Variants in IL1RAPL2 observed in about 807,000 individuals in gnomAD.
IL1RAPL2 encodes X-linked interleukin-1 receptor accessory protein-like 2.
A neutral mutation model predicts 44.1 loss-of-function variants in IL1RAPL2; 3 were observed. That is an observed-to-expected ratio of 0.07 (90% confidence interval 0.03 to 0.18). IL1RAPL2 has a LOEUF of 0.18. Ranked by LOEUF, IL1RAPL2 falls within the 10% of genes least tolerant of loss-of-function variation. The pLI is 1.00. For synonymous variants in IL1RAPL2, 181 were observed against 178.8 expected (o/e 1.01, Z -0.10); for missense variants, 391 against 496.4 (o/e 0.79, Z 2.02).
intron 2 of IL1RAPL2, among the ~76,000 whole-genome samples, chrX:104,759,115 C>T (rs747220494): frequency 1.3e-4 from 15 of 112,479 alleles, no homozygotes; most frequent in East Asian, 2.8e-4. Context: ...ACGGCCCACA[C>T]TTATATATGA....
intron 6 of IL1RAPL2, among the ~76,000 whole-genome samples, chrX:105,579,598 G>C (rs1391073834): frequency 9.0e-6 from 1 of 110,961 alleles, no homozygotes; most frequent in Non-Finnish European, 1.9e-5. Context: ...TTATGAGACA[G>C]ATACTAAGCT....
Position 104,931,947 on chromosome X carries a change from AGTGTGTGT to A in IL1RAPL2, c.83-263507_83-263500del, listed in dbSNP as rs34524314. Among the ~76,000 whole-genome samples, 146 of 88,993 alleles carry A rather than the reference AGTGTGTGT, an allele frequency of 1.6e-3. 1 individual carries two copies. The highest frequency in any genetic ancestry group is 5.7e-3 in the Middle Eastern group (1 of 176). The allele number at this position is 88,993 out of a possible 115,157, so 77.3% of individuals were successfully genotyped here. On this transcript the variant is annotated intron_variant, in intron 2 of 10. Transcript: ENST00000372582. ...ACTCACAGATATGTGGGAAACTATG[AGTGTGTGT>A]GTGTGTGTGTGTGTGTGTGTTTGTA...
At chrX:105,426,985 A>T (rs188769963) in intron 5 of IL1RAPL2, among the ~76,000 whole-genome samples, 11 of 112,565 alleles carry the variant, frequency 9.8e-5, no homozygotes, top group Admixed American at 9.4e-4. Flanking sequence ...TTTTGTTTTC[A>T]TTTCTTATGC....
chrX:105,515,997 G>A (rs2036510616), intron 6 of IL1RAPL2, among the ~76,000 whole-genome samples: 1 of 111,921 alleles, frequency 8.9e-6, no homozygotes, highest in Non-Finnish European at 1.9e-5. Context: ...TGAAGAAGTT[G>A]TATGGCTGTC....
At chrX:105,286,577 C>G (rs2034573351) in intron 5 of IL1RAPL2, among the ~76,000 whole-genome samples, 1 of 103,963 alleles carries the variant, frequency 9.6e-6, no homozygotes, top group Non-Finnish European at 1.9e-5. Flanking sequence ...AAACTTAAGA[C>G]AGAGTAAGAC....
intron 5 of IL1RAPL2, among the ~76,000 whole-genome samples, chrX:105,333,480 C>G (rs1350144306): frequency 4.5e-5 from 5 of 111,469 alleles, no homozygotes; most frequent in African/African-American, 1.6e-4. Flanking sequence ...TAATACCCCA[C>G]AAGCACAGGC....
intron 2 of IL1RAPL2, among the ~76,000 whole-genome samples, chrX:105,059,669 T>C (rs1332782031): frequency 9.0e-6 from 1 of 111,254 alleles, no homozygotes; most frequent in Non-Finnish European, 1.9e-5. Context: ...TAGCTTGGAT[T>C]ACAGGTGTCT....
intron 5 of IL1RAPL2, among the ~76,000 whole-genome samples, chrX:105,399,341 G>A (rs986244910): frequency 9.0e-6 from 1 of 110,997 alleles, no homozygotes; most frequent in Admixed American, 9.6e-5. Context: ...GTCCTTATAA[G>A]CAGTGTATAG....
intron 6 of IL1RAPL2, among the ~76,000 whole-genome samples, chrX:105,632,299 G>A (rs1343738761): frequency 9.0e-6 from 1 of 111,681 alleles, no homozygotes; most frequent in Non-Finnish European, 1.9e-5. Context: ...TGTAATGGGT[G>A]AATCACTCTT....
chrX:105,208,837 C>A (rs191791294), intron 3 of IL1RAPL2, among the ~76,000 whole-genome samples: 2 of 111,618 alleles, frequency 1.8e-5, no homozygotes, highest in East Asian at 2.8e-4. Context: ...ACATTATTAT[C>A]TTTTACTCTT....
intron 5 of IL1RAPL2, among the ~76,000 whole-genome samples, chrX:105,323,897 G>C (rs753628660): frequency 5.2e-5 from 5 of 95,393 alleles, no homozygotes; most frequent in African/African-American, 1.5e-4. Context: ...CACACACACA[G>C]ACACACACAC....
intron 2 of IL1RAPL2, among the ~76,000 whole-genome samples, chrX:104,957,227 T>C (rs751552531): frequency 1.8e-5 from 2 of 108,657 alleles, no homozygotes; most frequent in Admixed American, 2.0e-4. Flanking sequence ...GCACCAAGGG[T>C]GTCAAACACT....
At chrX:105,566,036 C>T (rs754193436) in intron 6 of IL1RAPL2, among the ~76,000 whole-genome samples, 1 of 110,455 alleles carries the variant, frequency 9.1e-6, no homozygotes, top group Admixed American at 9.7e-5. Context: ...TAGTGATTCA[C>T]GAGGGGATGG....
At chrX:105,473,456 A>G (rs1412901886) in intron 5 of IL1RAPL2, among the ~76,000 whole-genome samples, 3 of 111,986 alleles carry the variant, frequency 2.7e-5, no homozygotes, top group Non-Finnish European at 5.6e-5. Flanking sequence ...TGAGCTCTAA[A>G]TATCACATCA....
At chrX:105,680,909 A>G (rs1019757951) in intron 6 of IL1RAPL2, among the ~76,000 whole-genome samples, 2 of 112,087 alleles carry the variant, frequency 1.8e-5, no homozygotes, top group Non-Finnish European at 3.8e-5. Flanking sequence ...GAGGACCCCC[A>G]AAACCTAGAG....
At chrX:104,838,945 G>T (rs775161394) in intron 2 of IL1RAPL2, among the ~76,000 whole-genome samples, 4 of 101,771 alleles carry the variant, frequency 3.9e-5, no homozygotes, top group Non-Finnish European at 7.9e-5. Context: ...TGCCTCCTAG[G>T]TTCAAGTGAT....
chrX:104,729,232 T>C (rs751475923), intron 2 of IL1RAPL2, among the ~76,000 whole-genome samples: 8 of 111,253 alleles, frequency 7.2e-5, no homozygotes, highest in Non-Finnish European at 1.1e-4. Flanking sequence ...TGTAAAACAA[T>C]TAAATTCATA....
intron 6 of IL1RAPL2, among the ~76,000 whole-genome samples, chrX:105,564,539 ATAGTT>A (rs2036961237): frequency 8.9e-6 from 1 of 112,565 alleles, no homozygotes; most frequent in African/African-American, 3.2e-5. Context: ...CCTCAGAAGC[ATAGTT>A]TAAAGCTGTC....
chrX:105,170,696 G>C (rs2033415836), intron 2 of IL1RAPL2, among the ~76,000 whole-genome samples: 1 of 111,979 alleles, frequency 8.9e-6, no homozygotes, highest in South Asian at 3.7e-4. Flanking sequence ...TTAACCCCAT[G>C]CTATACTGCC....
Sources: allele counts gnomAD v4.1 joint callset (sites outside exome capture counted in the v4.1 genomes callset), GRCh38; gene constraint gnomAD v4.1.1; transcripts MANE v1.5; gene names NCBI Gene and HGNC (gene_info 2026-07-23, HGNC 2026-07-21).